Variants in ELN observed in about 807,000 individuals in gnomAD.
The protein encoded by ELN is tropoelastin.
A neutral mutation model predicts 105.8 loss-of-function variants in ELN; 65 were observed. The observed-to-expected ratio is 0.61, with a 90% CI of 0.50 to 0.75. The LOEUF (loss-of-function observed/expected upper bound fraction) is 0.75. Ranked by LOEUF, ELN falls within the 30% of genes least tolerant of loss-of-function variation. The pLI is 0.00. For missense variants in ELN, 882 were observed against 969.4 expected (o/e 0.91, Z 1.20); for synonymous variants, 368 against 389.2 (o/e 0.95, Z 0.64).
chr7:74,057,245 A>G (rs1221321643), intron 21 of ELN: 6 of 548,324 alleles, frequency 1.1e-5, no homozygotes, highest in South Asian at 8.5e-5. Context: ...CTCTAAAAAT[A>G]AAAAAAAAAG....
intron 1 of ELN, among the ~76,000 whole-genome samples, chr7:74,034,600 G>A (rs1373829710): frequency 6.6e-6 from 1 of 152,214 alleles, no homozygotes; most frequent in African/African-American, 2.4e-5. Flanking sequence ...AGCTACTTGG[G>A]AGACTGAGGC....
At position 74,066,909 on chromosome 7, in the gene ELN, G is replaced by A. The variant is rs969880280; in HGVS notation, c.2131+133G>A. On this transcript the variant is annotated intron_variant, in intron 32 of 32. Transcript: ENST00000252034. ...TGGACCCCACAGCCTCAGGTCACAC[G>A]AGGCTGGACCCCGAGCTGAATGTAG... The A allele has an allele frequency of 1.5e-5, 14 of 908,270 alleles. No homozygotes were observed. The African/African-American group carries it at 1.8e-4, about 12-fold the overall frequency. 56.3% of individuals were successfully genotyped at this position (908,270 alleles called of 1,614,324 possible).
At chr7:74,052,881 G>A (rs1563824342) in intron 17 of ELN, 1 of 499,292 alleles carries the variant, frequency 2.0e-6, no homozygotes, top group South Asian at 2.3e-5. Context: ...AAGAGAGAGA[G>A]AGAGAGAGAA....
intron 29 of ELN, among the ~76,000 whole-genome samples, chr7:74,064,243 G>A (rs1490127305): frequency 7.0e-5 from 10 of 143,458 alleles, no homozygotes; most frequent in East Asian, 3.9e-4. Context: ...GTGAAACCCC[G>A]TCTCTACTAA....
chr7:74,037,627 T>C (rs782562859), intron 3 of ELN, 80 bp from the exon 4 acceptor site: 48 of 1,566,488 alleles, frequency 3.1e-5, no homozygotes, highest in Non-Finnish European at 4.0e-5. Flanking sequence ...CTGCCCACAC[T>C]TTGCCCGGGT....
chr7:74,060,621 T>A, intron 25 of ELN, 120 bp downstream of exon 25: 1 of 1,566,666 alleles, frequency 6.4e-7, no homozygotes, highest in Non-Finnish European at 8.7e-7. Context: ...AAATCCTTGT[T>A]AGGTTCTCCT....
intron 15 of ELN, 92 bp from the exon 16 acceptor site, chr7:74,051,658 C>A: frequency 6.9e-7 from 1 of 1,451,570 alleles, no homozygotes; most frequent in Non-Finnish European, 9.5e-7. Flanking sequence ...GATAAGATCA[C>A]ACTGGTGAAA....
At position 74,043,157 on chromosome 7, in the gene ELN, G is replaced by C. The variant is rs201885729; in HGVS notation, c.416G>C (p.Gly139Ala). Residue 139 changes from glycine (G) to alanine (A), a missense_variant, in exon 8 of 33, where the codon GGG becomes GCG. Physicochemically the swap from Gly to Ala is moderately conservative, Grantham distance 60. Coordinates refer to ENST00000252034, the MANE Select transcript of ELN (RefSeq NM_000501.4). ...CAGCCTGGAGCCGGAGTGAAGCCTG[G>C]GAAAGTGCCGGGTCAGTGCGGAATC... ...VPQPGAGVKPGKVPGVGLPGV... is the reference protein window; with the variant it reads ...VPQPGAGVKPAKVPGVGLPGV... 2 of 1,602,112 alleles carry C rather than the reference G, an allele frequency of 1.2e-6. No individual in the cohort carries two copies. Among genetic ancestry groups the C allele is most frequent in the Middle Eastern group, 1.7e-4 (1 of 6,044 alleles).
At chr7:74,028,964 T>C (rs1554660638) in intron 1 of ELN, among the ~76,000 whole-genome samples, 1 of 152,142 alleles carries the variant, frequency 6.6e-6, no homozygotes, top group Non-Finnish European at 1.5e-5. Flanking sequence ...GATGCCCGGC[T>C]GTGTCACTGA....
intron 31 of ELN, among the ~76,000 whole-genome samples, chr7:74,066,473 G>A (rs1017682890): frequency 3.3e-5 from 5 of 152,032 alleles, no homozygotes; most frequent in African/African-American, 9.7e-5. Context: ...AGGCTGAGGC[G>A]GGAGAATCAC....
At chr7:74,049,318 C>T (rs1440749724) in intron 15 of ELN, among the ~76,000 whole-genome samples, 1 of 150,956 alleles carries the variant, frequency 6.6e-6, no homozygotes, top group Non-Finnish European at 1.5e-5. Context: ...ATCCATTCTT[C>T]CATCCATCAA....
chr7:74,045,387 C>T, intron 10 of ELN, 94 bp downstream of exon 10: 1 of 1,426,870 alleles, frequency 7.0e-7, no homozygotes, highest in Non-Finnish European at 9.7e-7. Flanking sequence ...TGGACTGGCT[C>T]AGGGCCCTCT....
Position 74,046,308 on chromosome 7 carries a change from C to T in ELN, c.571+91C>T, listed in dbSNP as rs1021308894. The T allele has an allele frequency of 4.4e-6, 7 of 1,579,148 alleles. No individual in the cohort carries two copies. The East Asian group carries it at 6.7e-5, about 15-fold the overall frequency. The stretch of plus-strand genomic sequence containing the variant: ...TTGGGCACCCAAGATCCCATCCAAG[C>T]CTGCCCAATTTCTCCCACGCCTGCA... On this transcript the variant is annotated intron_variant, in intron 11 of 32. Transcript: ENST00000252034.
At chr7:74,061,689 C>G (rs1218296028) in intron 26 of ELN, among the ~76,000 whole-genome samples, 2 of 152,072 alleles carry the variant, frequency 1.3e-5, no homozygotes, top group Admixed American at 6.6e-5. Context: ...AAGGCAGTTT[C>G]TAGGACACGT....
At chr7:74,039,363 C>G (rs1790659331) in intron 4 of ELN, among the ~76,000 whole-genome samples, 1 of 152,204 alleles carries the variant, frequency 6.6e-6, no homozygotes, top group Non-Finnish European at 1.5e-5. Context: ...GATTCCATGA[C>G]CTCCCCGAAG....
intron 19 of ELN, 92 bp downstream of exon 19, chr7:74,054,861 A>C: frequency 6.9e-7 from 1 of 1,455,546 alleles, no homozygotes; most frequent in South Asian, 1.1e-5. Flanking sequence ...AGAGAAGGGA[A>C]GTGACTTGCC....
Position 74,053,239 on chromosome 7 carries a change from A to G in ELN, c.1026A>G (p.Pro342=). The G allele has an allele frequency of 6.2e-7, 1 of 1,613,824 alleles. No individual in the cohort carries two copies. The highest frequency in any genetic ancestry group is 8.5e-7 in the Non-Finnish European group (1 of 1,179,972). ...GVVGVPGAGV[P]GVGVPGAGIP... ...TTGGTGTCCCAGGAGCTGGCGTTCC[A>G]GGTGTTGGTGTCCCAGGAGCTGGGA... The change falls in exon 18 of 33, where the codon CCA becomes CCG. Residue 342 remains proline, a synonymous_variant. Coordinates refer to ENST00000252034, the MANE Select transcript of ELN (RefSeq NM_000501.4).
chr7:74,056,878 C>T (rs1795358046), intron 21 of ELN, among the ~76,000 whole-genome samples, 165 bp downstream of exon 21: 1 of 152,170 alleles, frequency 6.6e-6, no homozygotes, highest in East Asian at 1.9e-4. Flanking sequence ...TCTTACTGTC[C>T]TTTTCAGATG....
chr7:74,034,728 T>G (rs1403749149), intron 1 of ELN, among the ~76,000 whole-genome samples: 2 of 150,942 alleles, frequency 1.3e-5, no homozygotes, highest in African/African-American at 4.9e-5. Flanking sequence ...TGGCCTGAGC[T>G]TCAATCCAGG....
Sources: allele counts gnomAD v4.1 joint callset (sites outside exome capture counted in the v4.1 genomes callset), GRCh38; gene constraint gnomAD v4.1.1; transcripts MANE v1.5; gene names NCBI Gene and HGNC (gene_info 2026-07-23, HGNC 2026-07-21).